The following AUTS2 variants were observed in gnomAD, a reference collection of about 807,000 sequenced individuals.
AUTS2 encodes the protein activator of transcription and developmental regulator AUTS2.
Under a neutral mutation model 112.4 loss-of-function variants are expected in AUTS2, and 17 were observed. The observed-to-expected ratio is 0.15, with a 90% CI of 0.10 to 0.23. The LOEUF is 0.23. Ranked by LOEUF, AUTS2 falls within the 10% of genes least tolerant of loss-of-function variation. AUTS2 has a pLI of 1.00. For missense variants in AUTS2, 1,510 were observed against 1,701.6 expected, an observed-to-expected ratio of 0.89 and a Z score of 1.98; for synonymous variants, 751 against 702.7, an observed-to-expected ratio of 1.07 and a Z score of -1.09.
rs546523675 is a variant in AUTS2 at position 69,953,449 on chromosome 7, A to C, written c.522+53951A>C. Among the ~76,000 whole-genome samples the C allele has an allele frequency of 4.6e-5, 7 of 152,302 alleles. No homozygotes were observed. The East Asian group carries it at 1.2e-3, about 25-fold the overall frequency. On this transcript the variant is annotated intron_variant, in intron 2 of 18. Coordinates refer to ENST00000342771, the MANE Select transcript of AUTS2 (RefSeq NM_015570.4). Reference sequence around the variant, plus strand: ...CTGCTGTATTAAGCCCAAGAGCTTAAAAGATTAAAGAAACCACTAACAGCA... The same window carrying C: ...CTGCTGTATTAAGCCCAAGAGCTTACAAGATTAAAGAAACCACTAACAGCA...
chr7:69,730,226 A>G (rs1180691527), intron 1 of AUTS2, among the ~76,000 whole-genome samples: 1 of 151,814 alleles, frequency 6.6e-6, no homozygotes, highest in Non-Finnish European at 1.5e-5. Context: ...GCCTGGCAAT[A>G]TGTAACCCTT....
intron 4 of AUTS2, among the ~76,000 whole-genome samples, chr7:70,296,237 G>A (rs780485945): frequency 3.9e-5 from 6 of 152,156 alleles, no homozygotes; most frequent in African/African-American, 4.8e-5. Flanking sequence ...TGGAAGTATC[G>A]CATAGTTGAA....
At chr7:70,350,892 G>T (rs1437734422) in intron 4 of AUTS2, among the ~76,000 whole-genome samples, 1 of 151,576 alleles carries the variant, frequency 6.6e-6, no homozygotes, top group Admixed American at 6.6e-5. Flanking sequence ...CCTACCCCTG[G>T]TAACCGCCAT....
intron 5 of AUTS2, among the ~76,000 whole-genome samples, chr7:70,571,804 C>A (rs1007311373): frequency 6.6e-6 from 1 of 152,158 alleles, no homozygotes; most frequent in African/African-American, 2.4e-5. Flanking sequence ...ATGCACAGGG[C>A]AGTCACGTCT....
At chr7:69,738,636 C>T (rs1787136960) in intron 1 of AUTS2, among the ~76,000 whole-genome samples, 1 of 152,076 alleles carries the variant, frequency 6.6e-6, no homozygotes. Context: ...ATTAAGTATG[C>T]TAGGTGCACT....
At chr7:70,573,501 G>A (rs1306635849) in intron 5 of AUTS2, among the ~76,000 whole-genome samples, 3 of 152,132 alleles carry the variant, frequency 2.0e-5, no homozygotes, top group Non-Finnish European at 4.4e-5. Flanking sequence ...GGAAAATGAG[G>A]GCTTTGCTAA....
chr7:70,150,322 C>T (rs1319080643), intron 4 of AUTS2, among the ~76,000 whole-genome samples: 1 of 152,002 alleles, frequency 6.6e-6, no homozygotes, highest in Non-Finnish European at 1.5e-5. Flanking sequence ...ATATTGTGCA[C>T]ACAATGAAAG....
At chr7:70,338,012 ATAT>A (rs1791073593) in intron 4 of AUTS2, among the ~76,000 whole-genome samples, 1 of 152,254 alleles carries the variant, frequency 6.6e-6, no homozygotes, top group Non-Finnish European at 1.5e-5. Context: ...TAAAGGGTTA[ATAT>A]TATGCTTATG....
At chr7:69,926,497 GCCTA>G (rs1208410512) in intron 2 of AUTS2, among the ~76,000 whole-genome samples, 1 of 143,602 alleles carries the variant, frequency 7.0e-6, no homozygotes, top group Non-Finnish European at 1.5e-5. Context: ...CTATCTGCCT[GCCTA>G]CCTACCTACC....
intron 1 of AUTS2, among the ~76,000 whole-genome samples, chr7:69,620,038 A>G (rs1185685323): frequency 2.6e-5 from 4 of 152,236 alleles, no homozygotes. Flanking sequence ...TCTTCAAGAG[A>G]AATTAAGTGC....
intron 6 of AUTS2, among the ~76,000 whole-genome samples, chr7:70,743,585 C>G (rs1404632648): frequency 6.6e-6 from 1 of 150,782 alleles, no homozygotes; most frequent in Non-Finnish European, 1.5e-5. Flanking sequence ...AATTCTGTTT[C>G]TTTGTACCCA....
chr7:70,277,960 G>GTA (rs1554354167), intron 4 of AUTS2, among the ~76,000 whole-genome samples: 41,291 of 143,898 alleles, frequency 0.29, 6,152 homozygotes, highest in African/African-American at 0.45. Context: ...ATGTATGTAT[G>GTA]TGTGTGTGTG....
At chr7:70,572,970 A>T (rs756948581) in intron 5 of AUTS2, among the ~76,000 whole-genome samples, 22 of 152,256 alleles carry the variant, frequency 1.4e-4, no homozygotes, top group Non-Finnish European at 1.9e-4. Flanking sequence ...GAAATCAATT[A>T]AAAAAGGTTG....
intron 5 of AUTS2, among the ~76,000 whole-genome samples, chr7:70,469,000 G>A (rs943399638): frequency 6.6e-6 from 1 of 152,158 alleles, no homozygotes; most frequent in South Asian, 2.1e-4. Context: ...TAAAATAATC[G>A]TCAGTAGTTG....
chr7:70,525,651 T>A (rs555950644), intron 5 of AUTS2, among the ~76,000 whole-genome samples: 17 of 152,356 alleles, frequency 1.1e-4, no homozygotes, highest in African/African-American at 4.1e-4. Context: ...GGATCTTGAC[T>A]TTTTAATGCA....
chr7:70,792,457 G>C lies in AUTS2; in HGVS notation c.*1461G>C, dbSNP rs940294753. On this transcript the variant is annotated 3_prime_UTR_variant, in exon 19 of 19. Coordinates refer to ENST00000342771, the MANE Select transcript of AUTS2 (RefSeq NM_015570.4). ...CCATTTGGTCTTCTAGTATATTAAA[G>C]TGCTATCTGACGTTGTTATCCTGTT... is the stretch of plus-strand genomic sequence containing the variant. 6.9e-6 allele frequency: 1 copy of C among 145,624 alleles called. No individual in the cohort carries two copies. Among genetic ancestry groups the C allele is most frequent in the African/African-American group, 2.6e-5 (1 of 39,110 alleles). The allele number at this position is 145,624 out of a possible 1,614,324, so 9.0% of individuals were successfully genotyped here. A position where few individuals can be genotyped will look rare whatever the true frequency, so the allele number is the denominator to read the frequency against.
intron 4 of AUTS2, among the ~76,000 whole-genome samples, chr7:70,242,602 A>T (rs12698880): frequency 0.22 from 34,147 of 152,154 alleles, 3,805 homozygotes; most frequent in Middle Eastern, 0.33. Context: ...TCTTCTAGTA[A>T]TTGAGATTAT....
intron 4 of AUTS2, among the ~76,000 whole-genome samples, chr7:70,315,715 C>T (rs1789962914): frequency 6.6e-6 from 1 of 151,936 alleles, no homozygotes; most frequent in South Asian, 2.1e-4. Flanking sequence ...TCCATTTGAC[C>T]TCCTCCCTCT....
chr7:69,957,665 A>G (rs1424737580), intron 2 of AUTS2, among the ~76,000 whole-genome samples: 1 of 152,154 alleles, frequency 6.6e-6, no homozygotes, highest in African/African-American at 2.4e-5. Context: ...AGGACTAAGT[A>G]ATTATTAATG....
Sources: allele counts gnomAD v4.1 joint callset (sites outside exome capture counted in the v4.1 genomes callset), GRCh38; gene constraint gnomAD v4.1.1; transcripts MANE v1.5; gene names NCBI Gene and HGNC (gene_info 2026-07-23, HGNC 2026-07-21).